EYA2: variants seen among roughly 807,000 people sequenced by gnomAD.
The protein encoded by EYA2 is EYA transcriptional coactivator and phosphatase 2.
Under a neutral mutation model 69.2 loss-of-function variants are expected in EYA2, and 31 were observed. The ratio of observed to expected loss-of-function variants is 0.45; its 90% confidence interval spans 0.34 to 0.60. The LOEUF (loss-of-function observed/expected upper bound fraction) is 0.60. Among genes scored for constraint, EYA2 ranks in the 20% least tolerant of loss-of-function variants. EYA2 has a pLI of 0.02. For synonymous variants in EYA2, 257 were observed against 279.4 expected, an observed-to-expected ratio of 0.92 and a Z score of 0.80; for missense variants, 622 against 701.2, an observed-to-expected ratio of 0.89 and a Z score of 1.28.
chr20:47,031,028 C>G (rs567063428), intron 5 of EYA2, among the ~76,000 whole-genome samples: 2 of 152,152 alleles, frequency 1.3e-5, no homozygotes, highest in Non-Finnish European at 2.9e-5. Context: ...GGGGTTACAG[C>G]TTCAACATAA....
Position 47,004,895 on chromosome 20 carries a change from G to A in EYA2, c.156-47G>A, listed in dbSNP as rs376770563. ...GTTGATATCAAGATAAGGAAGAAGGGGTGCCAGACTGGGCCTGGAGATTTA... is the reference window on the plus strand; with the variant it reads ...GTTGATATCAAGATAAGGAAGAAGGAGTGCCAGACTGGGCCTGGAGATTTA... On this transcript the variant is annotated intron_variant, in intron 3 of 15. Transcript: ENST00000327619. The A allele has an allele frequency of 6.2e-6, 10 of 1,613,538 alleles. No homozygotes were observed. In the African/African-American group the frequency reaches 9.3e-5, roughly 15 times the overall value.
At chr20:47,051,588 C>T (rs6018242) in intron 5 of EYA2, among the ~76,000 whole-genome samples, 1,851 of 152,328 alleles carry the variant, frequency 0.012, 42 homozygotes, top group African/African-American at 0.043. Flanking sequence ...CAAGTCTGTC[C>T]TCAGATGTGG....
In EYA2 at chr20:47,058,388, G is replaced by A. The variant is rs143799075; in HGVS notation, c.416-13797G>A. Among the ~76,000 whole-genome samples the A allele has an allele frequency of 5.3e-5, 8 of 152,354 alleles. No individual in the cohort carries two copies. The East Asian group carries it at 1.2e-3, about 22-fold the overall frequency. On this transcript the variant is annotated intron_variant, in intron 5 of 15. Transcript: ENST00000327619. ...GGTCTGTGCAACCTTGGGACCCAGT[G>A]GTCCCACTCTATCCCAGGTCCCACT...
chr20:47,155,604 A>G (rs2033907084), intron 10 of EYA2, among the ~76,000 whole-genome samples: 1 of 151,906 alleles, frequency 6.6e-6, no homozygotes, highest in Admixed American at 6.6e-5. Flanking sequence ...ACGCATATCA[A>G]GCTCTTCTTT....
intron 9 of EYA2, among the ~76,000 whole-genome samples, chr20:47,121,866 G>A (rs2033054600): frequency 6.6e-6 from 1 of 152,110 alleles, no homozygotes; most frequent in Non-Finnish European, 1.5e-5. Flanking sequence ...AAACCCAACT[G>A]AGCTGACCAA....
At chr20:46,965,512 G>A (rs1979722486) in intron 1 of EYA2, among the ~76,000 whole-genome samples, 1 of 152,250 alleles carries the variant, frequency 6.6e-6, no homozygotes, top group Non-Finnish European at 1.5e-5. Flanking sequence ...AGAGCTGGAA[G>A]GTCCCAGCCC....
intron 4 of EYA2, among the ~76,000 whole-genome samples, chr20:47,007,467 A>G (rs904961361): frequency 6.6e-6 from 1 of 152,120 alleles, no homozygotes. Flanking sequence ...CTGGAGCACA[A>G]TGGGAGATGA....
Position 47,135,126 on chromosome 20 carries a change from C to CAAAA in EYA2, c.889-7913_889-7910dup, listed in dbSNP as rs11484435. 2.3e-3 allele frequency among the ~76,000 whole-genome samples: 137 copies of CAAAA among 58,318 alleles called. 1 individual carries two copies. The highest frequency in any genetic ancestry group is 0.01 in the Middle Eastern group (1 of 96). The allele number at this position is 58,318 out of a possible 152,430, so 38.3% of individuals were successfully genotyped here. Reference sequence around the variant, plus strand: ...TGGGCGACAGAGCGAGACTCCATATCAAAAAAAAAAAAAAAAAAAAAAACA... The same window carrying CAAAA: ...TGGGCGACAGAGCGAGACTCCATATCAAAAAAAAAAAAAAAAAAAAAAAAAAACA... On this transcript the variant is annotated intron_variant, in intron 9 of 15. Coordinates refer to ENST00000327619, the MANE Select transcript of EYA2 (RefSeq NM_005244.5).
At chr20:46,920,270 CA>C (rs1270904307) in intron 1 of EYA2, among the ~76,000 whole-genome samples, 1 of 151,120 alleles carries the variant, frequency 6.6e-6, no homozygotes, top group Admixed American at 6.6e-5. Context: ...TACAATAAAG[CA>C]AAGCAATAAA....
chr20:47,017,070 C>T (rs1344810756), intron 5 of EYA2, among the ~76,000 whole-genome samples: 3 of 152,104 alleles, frequency 2.0e-5, no homozygotes, highest in African/African-American at 7.2e-5. Flanking sequence ...AACCCTCCAC[C>T]CACCTGCCAT....
intron 8 of EYA2, chr20:47,096,223 CAT>C (rs1482932292): frequency 2.0e-5 from 3 of 152,252 alleles, no homozygotes; most frequent in Non-Finnish European, 2.9e-5. Context: ...ACATTGGACA[CAT>C]AGAGAAGACA....
At chr20:47,094,279 C>A (rs564793662) in intron 8 of EYA2, among the ~76,000 whole-genome samples, 1 of 152,128 alleles carries the variant, frequency 6.6e-6, no homozygotes. Flanking sequence ...AAGTTCAACC[C>A]CAGTGAATTC....
rs886235848 is a variant in EYA2 at position 47,008,946 on chromosome 20, T to C, written c.298+3862T>C. 2.0e-5 allele frequency among the ~76,000 whole-genome samples: 3 copies of C among 152,262 alleles called. No homozygotes were observed. In the East Asian group the frequency reaches 5.8e-4, roughly 29 times the overall value. ...TAAATACTTTCTACTTTGTGATCCA[T>C]ATGGTCTTTATTACAACTACTCAGC... On this transcript the variant is annotated intron_variant, in intron 4 of 15. Transcript: ENST00000327619.
intron 1 of EYA2, among the ~76,000 whole-genome samples, chr20:46,953,632 T>C (rs1206759): frequency 0.96 from 146,407 of 152,198 alleles, 70,801 homozygotes; most frequent in African/African-American, 0.99. Context: ...TTAGCAGTAT[T>C]CCTGGCCTCT....
intron 1 of EYA2, among the ~76,000 whole-genome samples, chr20:46,958,387 A>C (rs1402690028): frequency 1.3e-5 from 2 of 152,126 alleles, no homozygotes; most frequent in South Asian, 2.1e-4. Flanking sequence ...GGGAGACAAA[A>C]TGAGCCTGGT....
intron 9 of EYA2, among the ~76,000 whole-genome samples, chr20:47,130,261 CTT>C (rs74178703): frequency 6.2e-5 from 5 of 81,258 alleles, no homozygotes; most frequent in Admixed American, 1.5e-4. Flanking sequence ...GGTTTATTTT[CTT>C]TTTTTTTTTT....
At chr20:47,068,313 T>A (rs2031189654) in intron 5 of EYA2, among the ~76,000 whole-genome samples, 1 of 152,248 alleles carries the variant, frequency 6.6e-6, no homozygotes, top group African/African-American at 2.4e-5. Flanking sequence ...TATCTTTGTG[T>A]AGAGAAGCCA....
intron 1 of EYA2, among the ~76,000 whole-genome samples, chr20:46,937,467 G>A (rs1458112485): frequency 6.6e-6 from 1 of 152,150 alleles, no homozygotes; most frequent in African/African-American, 2.4e-5. Context: ...CTTAATAAGG[G>A]TTAGTTACTA....
intron 5 of EYA2, among the ~76,000 whole-genome samples, chr20:47,023,632 GTTTTTTTT>G (rs60939329): frequency 6.7e-5 from 6 of 90,116 alleles, no homozygotes; most frequent in South Asian, 3.9e-4. Flanking sequence ...GATTTTGGGT[GTTTTTTTT>G]TTTTTTTTTT....
Sources: gnomAD v4.1 joint callset for allele counts (sites outside exome capture counted in the v4.1 genomes callset) on GRCh38, gnomAD v4.1.1 for gene constraint, MANE v1.5 for transcripts, NCBI Gene and HGNC (gene_info 2026-07-23, HGNC 2026-07-21) for gene names.